Variants in POLR1D observed in about 807,000 individuals in gnomAD.
POLR1D encodes the protein DNA-directed RNA polymerases I and III subunit RPAC2.
In POLR1D, 8 loss-of-function variants were observed where a neutral mutation model predicts 10.8. That is an observed-to-expected ratio of 0.74 (90% CI 0.43 to 1.33). The LOEUF is 1.33. POLR1D is among the 40% of genes most tolerant of loss of function. The probability of loss-of-function intolerance (pLI) is 0.01; values close to 1 mark genes in which losing one functional copy is unlikely to be tolerated. For missense variants in POLR1D, 152 were observed against 161.7 expected, an observed-to-expected ratio of 0.94 and a Z score of 0.32; for synonymous variants, 54 against 57.2, an observed-to-expected ratio of 0.94 and a Z score of 0.25.
intron 1 of POLR1D, among the ~76,000 whole-genome samples, chr13:27,642,349 G>C (rs1175880299): frequency 6.6e-6 from 1 of 152,162 alleles, no homozygotes; most frequent in Non-Finnish European, 1.5e-5. Flanking sequence ...CCTAATGTTT[G>C]ATGACACTAA....
chr13:27,648,207 A>G (rs2138555332), intron 1 of POLR1D: 1 of 532,790 alleles, frequency 1.9e-6, no homozygotes, highest in East Asian at 3.5e-5. Context: ...TTATATTAAT[A>G]GTTTCTTTTT....
intron 1 of POLR1D, among the ~76,000 whole-genome samples, chr13:27,645,705 G>A (rs968406496): frequency 1.2e-4 from 19 of 152,096 alleles, no homozygotes; most frequent in African/African-American, 4.6e-4. Flanking sequence ...TAGACAAGCT[G>A]ACTGAGTGCC....
intron 2 of POLR1D, among the ~76,000 whole-genome samples, chr13:27,652,000 CTATTGTGAGTCAGATTAG>C: frequency 6.6e-6 from 1 of 152,284 alleles, no homozygotes; most frequent in South Asian, 2.1e-4. Flanking sequence ...GGTGCCTCTA[CTATTGTGAGTCAGATTAG>C]TATAAACTAT....
rs1033773573 is a variant in POLR1D, at chr13:27,663,877, G to A, written c.102-1809G>A. Among the ~76,000 whole-genome samples, 3 of 152,156 alleles carry A rather than the reference G, an allele frequency of 2.0e-5. No individual in the cohort carries two copies. Among genetic ancestry groups the A allele is most frequent in the Non-Finnish European group, 4.4e-5 (3 of 68,028 alleles). ...TCCAAGAGACATATGTAGTTCATTTGTCTATAAAAAAGATTTTGCTCTTGT... is the reference window on the plus strand; with the variant it reads ...TCCAAGAGACATATGTAGTTCATTTATCTATAAAAAAGATTTTGCTCTTGT... On this transcript the variant is annotated intron_variant, in intron 2 of 2. Transcript: ENST00000399697. This position sits in a 1 kb window ranked among gnomAD's most constrained non-coding sequence, Gnocchi z 4.1.
At chr13:27,658,210 T>C (rs1295825900) in intron 2 of POLR1D, among the ~76,000 whole-genome samples, 2 of 152,220 alleles carry the variant, frequency 1.3e-5, no homozygotes, top group Non-Finnish European at 2.9e-5. Context: ...ACCCGGGTGA[T>C]TCTAAAGTGA....
At chr13:27,624,022 T>C (rs1368414301), downstream of POLR1D, among the ~76,000 whole-genome samples, 2 of 152,156 alleles carry the variant, frequency 1.3e-5, no homozygotes, top group Non-Finnish European at 1.5e-5. Flanking sequence ...GAAGCCCTAT[T>C]TGAGAGAAGG....
downstream of POLR1D, among the ~76,000 whole-genome samples, chr13:27,626,309 AAC>A (rs1315423859): frequency 6.6e-6 from 1 of 152,210 alleles, no homozygotes; most frequent in Non-Finnish European, 1.5e-5. Context: ...TACAGTGGGA[AAC>A]ACAGCCAGAG....
At chr13:27,638,195 C>T (rs1184124999) in intron 1 of POLR1D, among the ~76,000 whole-genome samples, 1 of 152,174 alleles carries the variant, frequency 6.6e-6, no homozygotes. Context: ...TTCACTGGCC[C>T]TTCATCATCT....
chr13:27,632,699 A>G (rs1956086576), intron 1 of POLR1D, among the ~76,000 whole-genome samples: 1 of 145,894 alleles, frequency 6.9e-6, no homozygotes, highest in Non-Finnish European at 1.5e-5. Context: ...ATCTTCTAAC[A>G]TATGAGATAT....
intron 1 of POLR1D, among the ~76,000 whole-genome samples, chr13:27,644,978 A>G (rs1342778935): frequency 1.3e-5 from 2 of 152,230 alleles, no homozygotes; most frequent in Non-Finnish European, 1.5e-5. Context: ...AACAGAGGCT[A>G]CAGTAATGGG....
chr13:27,656,522 GGT>G (rs1956309706), intron 2 of POLR1D, among the ~76,000 whole-genome samples: 1 of 152,170 alleles, frequency 6.6e-6, no homozygotes, highest in Non-Finnish European at 1.5e-5. Context: ...ATCTAATGGG[GGT>G]GGGAGTGCAT....
chr13:27,638,533 T>C (rs924246884), intron 1 of POLR1D, among the ~76,000 whole-genome samples: 1 of 152,214 alleles, frequency 6.6e-6, no homozygotes, highest in Non-Finnish European at 1.5e-5. Flanking sequence ...TTTATGTTCT[T>C]TTTTTCCCTA....
In POLR1D at chr13:27,621,939, C is replaced by A. The variant is rs754787294; in HGVS notation, c.-45C>A. 5 of 1,573,768 alleles carry A rather than the reference C, an allele frequency of 3.2e-6. No homozygotes were observed. The highest frequency in any genetic ancestry group is 3.5e-6 in the Non-Finnish European group (4 of 1,158,500). On this transcript the variant is annotated 5_prime_UTR_variant, in exon 1 of 2. Transcript: ENST00000302979. ...GCGCCTCGCGCTATGGGACAGAGCCCCCGATCCGCCAGCACCACCTGAGGA... is the reference window on the plus strand; with the variant it reads ...GCGCCTCGCGCTATGGGACAGAGCCACCGATCCGCCAGCACCACCTGAGGA...
At position 27,645,823 on chromosome 13, in the gene POLR1D, G is replaced by A. The variant is rs117760858; in HGVS notation, c.27-2556G>A. On this transcript the variant is annotated intron_variant, in intron 1 of 2. Coordinates refer to the POLR1D transcript ENST00000399697. ...TATATCTTCTTTTCTCTTTGTACTC[G>A]TAAACCAGAAGGCATCCTTAAGCGT... Among the ~76,000 whole-genome samples the A allele has an allele frequency of 7.2e-3, 1,089 of 152,232 alleles. 8 individuals carry two copies. Among genetic ancestry groups the A allele is most frequent in the Middle Eastern group, 0.017 (5 of 294 alleles).
intron 1 of POLR1D, chr13:27,648,370 T>C (rs1956238212): frequency 1.3e-6 from 2 of 1,585,952 alleles, no homozygotes; most frequent in Non-Finnish European, 1.7e-6. Flanking sequence ...TTTTCCTTTT[T>C]CTTATCAGGA....
intron 2 of POLR1D, chr13:27,660,956 G>T (rs1423353922): frequency 6.6e-6 from 1 of 152,226 alleles, no homozygotes; most frequent in East Asian, 1.9e-4. Context: ...TGGCGATCCT[G>T]TGTCACTCTC....
intron 2 of POLR1D, among the ~76,000 whole-genome samples, chr13:27,657,262 G>A (rs1956316829): frequency 6.6e-6 from 1 of 152,140 alleles, no homozygotes; most frequent in Non-Finnish European, 1.5e-5. Context: ...AGGCGCTGTG[G>A]CTCACACCAG....
At chr13:27,630,597 G>A (rs1420413153) in intron 1 of POLR1D, among the ~76,000 whole-genome samples, 1 of 152,134 alleles carries the variant, frequency 6.6e-6, no homozygotes, top group Non-Finnish European at 1.5e-5. Flanking sequence ...ATGAATGTGG[G>A]CAAGTGATGT....
intron 2 of POLR1D, among the ~76,000 whole-genome samples, chr13:27,652,387 G>A (rs938456884): frequency 6.6e-6 from 1 of 152,200 alleles, no homozygotes; most frequent in Non-Finnish European, 1.5e-5. Flanking sequence ...TGTGGGCATT[G>A]ATGTACTCTT....
Sources: allele counts gnomAD v4.1 joint callset (sites outside exome capture counted in the v4.1 genomes callset), GRCh38; gene constraint gnomAD v4.1.1; non-coding constraint Gnocchi (gnomAD v3.1); transcripts MANE v1.5; gene names NCBI Gene and HGNC (gene_info 2026-07-23, HGNC 2026-07-21).